The following ZNF845 variants were observed in gnomAD, a reference collection of about 807,000 sequenced individuals.
ZNF845 encodes the protein zinc finger protein 845.
ZNF845 carries 59 observed loss-of-function variants against 76.1 expected under a neutral mutation model. The observed-to-expected ratio is 0.78, with a 90% CI of 0.63 to 0.96. The LOEUF (loss-of-function observed/expected upper bound fraction) is 0.96, where lower values mean the gene tolerates loss of function less well. Among genes scored for constraint, ZNF845 ranks in the 40% least tolerant of loss-of-function variants. The probability of loss-of-function intolerance (pLI) is 0.00; values close to 1 mark genes in which losing one functional copy is unlikely to be tolerated. For synonymous variants in ZNF845, 361 were observed against 386.9 expected (o/e 0.93, Z 0.78); for missense variants, 1,045 against 1,172.8 (o/e 0.89, Z 1.59).
Position 53,354,306 on chromosome 19 carries a change from T to C in ZNF845, c.*718T>C. 4 of 394,378 alleles carry C rather than the reference T, an allele frequency of 1.0e-5. No individual in the cohort carries two copies. Among genetic ancestry groups the C allele is most frequent in the Non-Finnish European group, 2.1e-5 (4 of 194,196 alleles). The allele number at this position is 394,378 out of a possible 1,614,324, so 24.4% of individuals were successfully genotyped here. ...AAGCATTAATTGGCATTAGAGTCAA[T>C]TCAGCATTGACTTGAGTTTGAATTG... On this transcript the variant is annotated 3_prime_UTR_variant, in exon 4 of 4. Coordinates refer to ENST00000458035, the MANE Select transcript of ZNF845 (RefSeq NM_138374.3).
intron 3 of ZNF845, chr19:53,346,325 C>A: frequency 2.4e-6 from 1 of 411,192 alleles, no homozygotes; most frequent in Non-Finnish European, 4.9e-6. Flanking sequence ...GAGTCTCACT[C>A]TGTCGCCAAG....
At chr19:53,346,728 ACT>A (rs1404139557) in intron 3 of ZNF845, among the ~76,000 whole-genome samples, 11 of 151,718 alleles carry the variant, frequency 7.3e-5, no homozygotes, top group African/African-American at 2.7e-4. Flanking sequence ...CTCCACTAGA[ACT>A]CTTTGTTCTT....
At chr19:53,340,684 T>C (rs558817784) in intron 1 of ZNF845, 9 of 250,748 alleles carry the variant, frequency 3.6e-5, no homozygotes, top group African/African-American at 1.6e-4. Flanking sequence ...TCACAATGGG[T>C]GAAGAAATTC....
chr19:53,340,227 T>G (rs2085246557), intron 1 of ZNF845, among the ~76,000 whole-genome samples: 1 of 152,190 alleles, frequency 6.6e-6, no homozygotes, highest in African/African-American at 2.4e-5. Flanking sequence ...AATTTTTGTA[T>G]TTTTGGTAGA....
At chr19:53,342,402 C>T (rs2085262883) in intron 2 of ZNF845, among the ~76,000 whole-genome samples, 1 of 152,136 alleles carries the variant, frequency 6.6e-6, no homozygotes, top group Non-Finnish European at 1.5e-5. Flanking sequence ...CAGGCATGAG[C>T]CGTGCCCAGC....
Position 53,352,125 on chromosome 19 carries a change from T to A in ZNF845, c.1450T>A (p.Tyr484Asn), listed in dbSNP as rs752321679. 1 of 1,613,762 alleles carries A rather than the reference T, an allele frequency of 6.2e-7. No homozygotes were observed. Among genetic ancestry groups the A allele is most frequent in the South Asian group, 1.1e-5 (1 of 91,058 alleles). ...CTTCAGTCAGACATCATCCCTTGTATACCATCGTAGACTTCATACTGGAGA... is the reference window on the plus strand; with the variant it reads ...CTTCAGTCAGACATCATCCCTTGTAAACCATCGTAGACTTCATACTGGAGA... The part of the protein sequence containing the change: ...KTFSQTSSLV[Y>N]HRRLHTGEKP... Residue 484 changes from tyrosine (Y) to asparagine (N), a missense_variant, in exon 4 of 4, where the codon TAC becomes AAC. Transcript: ENST00000458035.
intron 2 of ZNF845, among the ~76,000 whole-genome samples, chr19:53,343,622 A>G (rs994610374): frequency 2.0e-5 from 3 of 152,200 alleles, no homozygotes; most frequent in Non-Finnish European, 4.4e-5. Context: ...CTACACAAGT[A>G]TACACACACA....
chr19:53,336,308 A>C (rs571739606), intron 1 of ZNF845, among the ~76,000 whole-genome samples: 2 of 151,660 alleles, frequency 1.3e-5, no homozygotes, highest in African/African-American at 4.8e-5. Context: ...GTAGTTTGAG[A>C]TCATTCTGGC....
Position 53,351,426 on chromosome 19 carries a change from G to T in ZNF845, c.751G>T (p.Val251Phe). ...ATATAAATGTGATGTGTGTGGCAAG[G>T]TCTTTAATCAAAAGCGATATCTTGC... ...KQYKCDVCGK[V>F]FNQKRYLACH... Residue 251 changes from valine to phenylalanine, a missense_variant, in exon 4 of 4, where the codon GTC becomes TTC. Coordinates refer to ENST00000458035, the MANE Select transcript of ZNF845 (RefSeq NM_138374.3). 6.2e-7 allele frequency: 1 copy of T among 1,614,168 alleles called. No homozygotes were observed. Among genetic ancestry groups the T allele is most frequent in the Non-Finnish European group, 8.5e-7 (1 of 1,180,028 alleles).
At chr19:53,341,780 GT>G (rs2085258832) in intron 2 of ZNF845, among the ~76,000 whole-genome samples, 1 of 152,138 alleles carries the variant, frequency 6.6e-6, no homozygotes, top group African/African-American at 2.4e-5. Context: ...TACATTTTTA[GT>G]TTTTTGAGTG....
At chr19:53,350,644 A>G (rs746654564) in intron 3 of ZNF845, among the ~76,000 whole-genome samples, 174 bp from the exon 4 acceptor site, 7 of 152,218 alleles carry the variant, frequency 4.6e-5, no homozygotes, top group African/African-American at 1.2e-4. Flanking sequence ...GATTTCAAGT[A>G]CATGTAATCG....
chr19:53,339,274 G>A (rs2085239282), intron 1 of ZNF845, among the ~76,000 whole-genome samples: 1 of 152,168 alleles, frequency 6.6e-6, no homozygotes, highest in Admixed American at 6.5e-5. Context: ...ATGCTCCTGT[G>A]AACAGATGGG....
At chr19:53,343,152 C>T (rs1268912687) in intron 2 of ZNF845, among the ~76,000 whole-genome samples, 5 of 152,148 alleles carry the variant, frequency 3.3e-5, no homozygotes, top group Admixed American at 1.3e-4. Context: ...CCTCTCCTTC[C>T]TCCCCGCCTC....
In ZNF845 at chr19:53,351,529, C is replaced by A; in HGVS notation, c.854C>A (p.Thr285Asn). 6.2e-7 allele frequency: 1 copy of A among 1,614,076 alleles called. No individual in the cohort carries two copies. Among genetic ancestry groups the A allele is most frequent in the Non-Finnish European group, 8.5e-7 (1 of 1,179,994 alleles). ...DCGKTFSQEL[T>N]LTCHHRLHTG... ...GGCAAGACCTTCAGTCAGGAGTTAA[C>A]CCTTACATGCCATCATAGACTTCAT... Residue 285 changes from threonine (T) to asparagine (N), a missense_variant, in exon 4 of 4, where the codon ACC becomes AAC. Thr to Asn is a moderately conservative substitution (Grantham distance 65, BLOSUM62 0). Transcript: ENST00000458035.
In ZNF845 at chr19:53,351,750, G is replaced by A. The variant is rs755789983; in HGVS notation, c.1075G>A (p.Glu359Lys). ...HTGEKPYKCE[E>K]CDKAFSFKSN... The stretch of plus-strand genomic sequence containing the variant: ...TGGAGAGAAACCTTACAAATGTGAA[G>A]AATGTGACAAAGCTTTCAGTTTCAA... The change falls in exon 4 of 4, where the codon GAA (glutamate) becomes AAA (lysine). Residue 359 changes from glutamate to lysine, a missense_variant. Glu to Lys is a moderately conservative substitution (Grantham distance 56). Transcript: ENST00000458035. The A allele has an allele frequency of 1.2e-6, 2 of 1,614,116 alleles. No homozygotes were observed. Among genetic ancestry groups the A allele is most frequent in the Non-Finnish European group, 1.7e-6 (2 of 1,179,992 alleles).
At chr19:53,340,926 G>A in intron 1 of ZNF845, 1 of 393,116 alleles carries the variant, frequency 2.5e-6, no homozygotes, top group South Asian at 8.7e-5. Flanking sequence ...TCAGCTGCAG[G>A]TGCAAACACC....
At position 53,348,005 on chromosome 19, in the gene ZNF845, C is replaced by T. The variant is rs140936260; in HGVS notation, c.142+2373C>T. On this transcript the variant is annotated intron_variant, in intron 3 of 3. Coordinates refer to ENST00000458035, the MANE Select transcript of ZNF845 (RefSeq NM_138374.3). ...AGGAGTTTGAGGCCACCCTGGCCAA[C>T]GCGGTGAAATCCCGTCTCCACTAAA... 8.7e-3 allele frequency among the ~76,000 whole-genome samples: 1,323 copies of T among 152,294 alleles called. 25 individuals carry two copies. The highest frequency in any genetic ancestry group is 0.03 in the African/African-American group (1,229 of 41,568).
intron 1 of ZNF845, among the ~76,000 whole-genome samples, chr19:53,339,443 C>T (rs568026948): frequency 1.3e-5 from 2 of 152,284 alleles, no homozygotes; most frequent in South Asian, 4.1e-4. Context: ...GGAGTGGTTT[C>T]CCTGCCTGTC....
At chr19:53,343,431 G>A (rs753571994) in intron 2 of ZNF845, among the ~76,000 whole-genome samples, 23 of 152,108 alleles carry the variant, frequency 1.5e-4, no homozygotes, top group Non-Finnish European at 2.2e-4. Flanking sequence ...CAGGTCAGGC[G>A]GTTGAAAGGG....
Sources: gnomAD v4.1 joint callset for allele counts (sites outside exome capture counted in the v4.1 genomes callset) on GRCh38, gnomAD v4.1.1 for gene constraint, MANE v1.5 for transcripts, NCBI Gene and HGNC (gene_info 2026-07-23, HGNC 2026-07-21) for gene names.